The following WWOX variants were observed in gnomAD, a reference collection of about 807,000 sequenced individuals.
The protein encoded by WWOX is WW domain containing oxidoreductase.
Under a neutral mutation model 46.2 loss-of-function variants are expected in WWOX, and 69 were observed. The observed-to-expected ratio is 1.49, with a 90% CI of 1.23 to 1.82. WWOX has a LOEUF of 1.82. Among genes scored for constraint, WWOX ranks in the 40% most tolerant of loss-of-function variants. The pLI, the probability that WWOX is intolerant of heterozygous loss-of-function variation, is 0.00. For missense variants in WWOX, 919 were observed against 542.6 expected (o/e 1.69, Z -6.89); for synonymous variants, 359 against 202.6 (o/e 1.77, Z -6.56).
At chr16:78,800,620 T>C (rs2050861430) in intron 8 of WWOX, among the ~76,000 whole-genome samples, 1 of 152,206 alleles carries the variant, frequency 6.6e-6, no homozygotes, top group African/African-American at 2.4e-5. Context: ...CTAAATGGCT[T>C]GCAGTGGCAG....
intron 8 of WWOX, among the ~76,000 whole-genome samples, chr16:78,781,615 G>A (rs181595603): frequency 1.3e-5 from 2 of 152,180 alleles, no homozygotes; most frequent in South Asian, 4.1e-4. Flanking sequence ...AAGTTATTCA[G>A]TGTTTTACAA....
At chr16:78,643,229 A>G (rs895494621) in intron 8 of WWOX, among the ~76,000 whole-genome samples, 9 of 152,232 alleles carry the variant, frequency 5.9e-5, no homozygotes, top group Non-Finnish European at 1.0e-4. Context: ...AAGGACACGT[A>G]TGCCTAGAAA....
intron 8 of WWOX, among the ~76,000 whole-genome samples, chr16:78,758,930 CA>C (rs2049723541): frequency 8.0e-6 from 1 of 124,268 alleles, no homozygotes; most frequent in Non-Finnish European, 1.7e-5. Flanking sequence ...AAAAAAACCA[CA>C]AAAGACAAAA....
intron 5 of WWOX, among the ~76,000 whole-genome samples, chr16:78,240,306 C>G (rs970560234): frequency 2.6e-4 from 39 of 149,856 alleles, no homozygotes; most frequent in Non-Finnish European, 8.9e-5. Context: ...TAGCAAGACC[C>G]CATCTCTTAA....
intron 8 of WWOX, among the ~76,000 whole-genome samples, chr16:78,693,726 G>A (rs1235926982): frequency 1.3e-5 from 2 of 152,182 alleles, no homozygotes; most frequent in African/African-American, 4.8e-5. Flanking sequence ...TGCACAGGGT[G>A]GCCCTTACCA....
At chr16:78,596,612 C>G (rs1293917004) in intron 8 of WWOX, among the ~76,000 whole-genome samples, 1 of 152,090 alleles carries the variant, frequency 6.6e-6, no homozygotes, top group Non-Finnish European at 1.5e-5. Context: ...GAAACCTAGA[C>G]CTATGGAACA....
At chr16:79,045,638 G>T (rs746907437) in intron 8 of WWOX, among the ~76,000 whole-genome samples, 1 of 152,052 alleles carries the variant, frequency 6.6e-6, no homozygotes, top group Non-Finnish European at 1.5e-5. Flanking sequence ...GGAGGCAGAG[G>T]CACCTGAGTT....
Position 78,732,775 on chromosome 16 carries a change from A to T in WWOX, c.1056+300023A>T, listed in dbSNP as rs146418815. Among the ~76,000 whole-genome samples, 58 of 152,284 alleles carry T rather than the reference A, an allele frequency of 3.8e-4. 1 individual carries two copies. Among genetic ancestry groups the T allele is most frequent in the African/African-American group, 1.3e-3 (52 of 41,566 alleles). On this transcript the variant is annotated intron_variant, in intron 8 of 8. Coordinates refer to ENST00000566780, the MANE Select transcript of WWOX (RefSeq NM_016373.4). ...GGGGAAATTGCATACTCCTATCTGGACTGTTTTCTTATGGTTTTGGAATCT... is the reference window on the plus strand; with the variant it reads ...GGGGAAATTGCATACTCCTATCTGGTCTGTTTTCTTATGGTTTTGGAATCT...
intron 8 of WWOX, among the ~76,000 whole-genome samples, chr16:78,671,406 T>G (rs1026280034): frequency 6.6e-6 from 1 of 152,120 alleles, no homozygotes; most frequent in Non-Finnish European, 1.5e-5. Flanking sequence ...GCCTGGGTGA[T>G]AGCATGAGAC....
At chr16:78,917,099 T>G (rs1424531012) in intron 8 of WWOX, among the ~76,000 whole-genome samples, 1 of 152,214 alleles carries the variant, frequency 6.6e-6, no homozygotes, top group Non-Finnish European at 1.5e-5. Flanking sequence ...AAGACCAGAC[T>G]TGCTCTTTTC....
chr16:78,249,012 A>G (rs551533796), intron 5 of WWOX, among the ~76,000 whole-genome samples: 19 of 151,842 alleles, frequency 1.3e-4, no homozygotes, highest in African/African-American at 4.3e-4. Context: ...ACGTGCCACC[A>G]TGCCCAGCTA....
chr16:78,654,244 A>C (rs2047031484), intron 8 of WWOX, among the ~76,000 whole-genome samples: 15 of 152,204 alleles, frequency 9.9e-5, no homozygotes, highest in Admixed American at 9.8e-4. Context: ...CCTGGTTTTC[A>C]GATTCTTTAT....
At chr16:78,611,753 C>G (rs1169624728) in intron 8 of WWOX, among the ~76,000 whole-genome samples, 2 of 152,206 alleles carry the variant, frequency 1.3e-5, no homozygotes, top group African/African-American at 4.8e-5. Context: ...TGGTTGGCTG[C>G]TGCTCTGATC....
intron 8 of WWOX, among the ~76,000 whole-genome samples, chr16:79,093,981 C>G (rs1006826645): frequency 1.3e-5 from 2 of 152,182 alleles, no homozygotes; most frequent in East Asian, 3.9e-4. Context: ...ACCACTTCCA[C>G]AAATGCTAGG....
intron 5 of WWOX, among the ~76,000 whole-genome samples, chr16:78,274,233 A>T (rs2079537375): frequency 6.6e-6 from 1 of 152,054 alleles, no homozygotes; most frequent in Non-Finnish European, 1.5e-5. Flanking sequence ...CAATCCCTTC[A>T]TGTCCAGCTC....
At chr16:78,371,140 G>C (rs902469943) in intron 5 of WWOX, among the ~76,000 whole-genome samples, 2 of 151,920 alleles carry the variant, frequency 1.3e-5, no homozygotes, top group Non-Finnish European at 2.9e-5. Context: ...TTTTACTTAA[G>C]TATATGAGTT....
At chr16:78,975,269 C>G (rs2046548487) in intron 8 of WWOX, among the ~76,000 whole-genome samples, 1 of 152,112 alleles carries the variant, frequency 6.6e-6, no homozygotes, top group Non-Finnish European at 1.5e-5. Flanking sequence ...GTGGCAATGT[C>G]TAGAGACATT....
intron 8 of WWOX, among the ~76,000 whole-genome samples, chr16:78,684,565 C>G (rs925984619): frequency 6.6e-6 from 1 of 152,154 alleles, no homozygotes; most frequent in African/African-American, 2.4e-5. Context: ...GGCTGTGCCT[C>G]ACAGCTGCAA....
At chr16:78,919,712 T>C (rs1017594834) in intron 8 of WWOX, among the ~76,000 whole-genome samples, 1 of 151,888 alleles carries the variant, frequency 6.6e-6, no homozygotes, top group Non-Finnish European at 1.5e-5. Flanking sequence ...GAGAGGGGTT[T>C]TACCATATTG....
Sources: allele counts gnomAD v4.1 joint callset (sites outside exome capture counted in the v4.1 genomes callset), GRCh38; gene constraint gnomAD v4.1.1; transcripts MANE v1.5; gene names NCBI Gene and HGNC (gene_info 2026-07-23, HGNC 2026-07-21).